Variants in TBCD observed in about 807,000 individuals in gnomAD.
The protein encoded by TBCD is tubulin folding cofactor D.
Under a neutral mutation model 169.3 loss-of-function variants are expected in TBCD, and 105 were observed. That is an observed-to-expected ratio of 0.62 (90% CI 0.53 to 0.73). TBCD has a LOEUF of 0.73. Ranked by LOEUF, TBCD falls within the 30% of genes least tolerant of loss-of-function variation. The probability of loss-of-function intolerance (pLI) is 0.00; values close to 1 mark genes in which losing one functional copy is unlikely to be tolerated. For missense variants in TBCD, 1,444 were observed against 1,600.1 expected (o/e 0.90, Z 1.66); for synonymous variants, 700 against 643.9 (o/e 1.09, Z -1.32).
chr17:82,932,872 G>A (rs1016063326), intron 34 of TBCD, 137 bp downstream of exon 34: 2 of 741,462 alleles, frequency 2.7e-6, no homozygotes, highest in South Asian at 1.7e-5. Flanking sequence ...TATGGTGACT[G>A]TAAATACCGT....
chr17:82,813,423 T>TTC, intron 12 of TBCD, among the ~76,000 whole-genome samples: 1 of 152,230 alleles, frequency 6.6e-6, no homozygotes, highest in South Asian at 2.1e-4. Context: ...GCTGCTTGGC[T>TTC]TCTCCCTGTG....
intron 7 of TBCD, among the ~76,000 whole-genome samples, chr17:82,783,009 C>T (rs2049055516): frequency 6.6e-6 from 1 of 152,088 alleles, no homozygotes; most frequent in Admixed American, 6.5e-5. Context: ...GCGTCGTCTT[C>T]CTGTCTGTGG....
intron 9 of TBCD, 142 bp downstream of exon 9, chr17:82,801,138 G>C (rs2050486012): frequency 1.3e-6 from 1 of 788,218 alleles, no homozygotes; most frequent in Non-Finnish European, 1.9e-6. Flanking sequence ...TGCGGGGTGG[G>C]GGAGGCAGGC....
At chr17:82,875,536 C>A (rs928090764) in intron 14 of TBCD, among the ~76,000 whole-genome samples, 1 of 152,244 alleles carries the variant, frequency 6.6e-6, no homozygotes, top group African/African-American at 2.4e-5. Context: ...AGCCACGGGG[C>A]CCTCCCCTGC....
Position 82,903,313 on chromosome 17 carries a change from C to A in TBCD, c.1731-92C>A. ...TCTGCTAAGTGGCCGGTTGAGGACT[C>A]GTGTGTTGTCTCCCTCACTTTCTTT... is the stretch of plus-strand genomic sequence containing the variant. On this transcript the variant is annotated intron_variant, in intron 18 of 38. Transcript: ENST00000355528. This position sits in a 1 kb window ranked among gnomAD's most constrained non-coding sequence, Gnocchi z 4.8. The A allele has an allele frequency of 8.1e-7, 1 of 1,240,214 alleles. No individual in the cohort carries two copies. The highest frequency in any genetic ancestry group is 1.3e-5 in the South Asian group (1 of 74,256). The allele number at this position is 1,240,214 out of a possible 1,614,324, so 76.8% of individuals were successfully genotyped here. A position where few individuals can be genotyped will look rare whatever the true frequency, so the allele number is the denominator to read the frequency against.
intron 13 of TBCD, chr17:82,860,486 C>T (rs2056668691): frequency 1.0e-6 from 1 of 968,022 alleles, no homozygotes; most frequent in African/African-American, 1.8e-5. Flanking sequence ...CTCAGGAGAT[C>T]CTGAGGCTGA....
chr17:82,788,798 G>A (rs914268431), intron 7 of TBCD, among the ~76,000 whole-genome samples: 3 of 152,154 alleles, frequency 2.0e-5, no homozygotes, highest in Admixed American at 6.5e-5. Flanking sequence ...TGCTGACTCC[G>A]TCTCTCCTGT....
rs768432582 is a variant in TBCD at position 82,884,212 on chromosome 17, C to G, written c.1533+10C>G. On this transcript the variant is annotated intron_variant, in intron 15 of 38. Coordinates refer to ENST00000355528, the MANE Select transcript of TBCD (RefSeq NM_005993.5). The surrounding 1 kb of genome is among the most constrained non-coding windows in gnomAD (Gnocchi z 4.2). ...CAGAAGAGCAGCCTCTGTAAGTTTT[C>G]TCATTTTGATATTTCCTTTCCTGAA... is the stretch of plus-strand genomic sequence containing the variant. 1 of 1,599,798 alleles carries G rather than the reference C, an allele frequency of 6.3e-7. No individual in the cohort carries two copies. The highest frequency in any genetic ancestry group is 8.5e-7 in the Non-Finnish European group (1 of 1,172,312).
Position 82,758,395 on chromosome 17 carries a change from A to AAT in TBCD, c.235+2181_235+2182insTA, listed in dbSNP as rs1555672599. ...ACGAAAACGTCTCGGAAAAAAAAAAAAAAAAAAATAAATAAATAAATAAAT... is the reference window on the plus strand; with the variant it reads ...ACGAAAACGTCTCGGAAAAAAAAAAAATAAAAAAAATAAATAAATAAATAAAT... On this transcript the variant is annotated intron_variant, in intron 2 of 38. Transcript: ENST00000355528. Among the ~76,000 whole-genome samples the AAT allele has an allele frequency of 1.0e-4, 13 of 129,662 alleles. 1 individual carries two copies. The highest frequency in any genetic ancestry group is 3.3e-4 in the African/African-American group (10 of 30,398). 85.1% of individuals were successfully genotyped at this position (129,662 alleles called of 152,430 possible). A position where few individuals can be genotyped will look rare whatever the true frequency, so the allele number is the denominator to read the frequency against.
intron 13 of TBCD, among the ~76,000 whole-genome samples, chr17:82,827,930 C>T (rs1474153730): frequency 2.0e-5 from 3 of 147,678 alleles, no homozygotes; most frequent in African/African-American, 2.5e-5. Context: ...GATATGAGCA[C>T]GTGGACACCC....
At chr17:82,768,157 A>C (rs1051317423) in intron 4 of TBCD, among the ~76,000 whole-genome samples, 6 of 152,044 alleles carry the variant, frequency 3.9e-5, no homozygotes, top group African/African-American at 1.4e-4. Context: ...ATACTGATGT[A>C]TTATGATTTT....
intron 9 of TBCD, among the ~76,000 whole-genome samples, chr17:82,805,249 G>T (rs1191267887): frequency 6.6e-6 from 1 of 152,204 alleles, no homozygotes; most frequent in African/African-American, 2.4e-5. Context: ...AGCGGCTCAG[G>T]AGCTGTTCAG....
chr17:82,815,584 C>T (rs772621434), intron 13 of TBCD, among the ~76,000 whole-genome samples: 1 of 152,230 alleles, frequency 6.6e-6, no homozygotes, highest in Non-Finnish European at 1.5e-5. Flanking sequence ...CACACGCAGC[C>T]CTGTCTGTGT....
chr17:82,799,441 C>CAAAAAA lies in TBCD; in HGVS notation c.818-1406_818-1401dup, dbSNP rs61017445. On this transcript the variant is annotated intron_variant, in intron 8 of 38. Coordinates refer to ENST00000355528, the MANE Select transcript of TBCD (RefSeq NM_005993.5). ...CTGGCGACAGAGCAAGACTCTGTCT[C>CAAAAAA]AAAAAAAAAAAAAAAAAAAAAAGAA... Among the ~76,000 whole-genome samples, 471 of 72,596 alleles carry CAAAAAA rather than the reference C, an allele frequency of 6.5e-3. 51 individuals carry two copies. The highest frequency in any genetic ancestry group is 0.023 in the East Asian group (48 of 2,110). 47.6% of individuals were successfully genotyped at this position (72,596 alleles called of 152,430 possible).
intron 18 of TBCD, 133 bp downstream of exon 18, chr17:82,900,864 T>A: frequency 1.4e-6 from 1 of 696,442 alleles, no homozygotes; most frequent in Non-Finnish European, 2.5e-6. Flanking sequence ...AGAAGTAATA[T>A]GAATTCCAGT....
At position 82,945,097 on chromosome 17, in the gene TBCD, AT is replaced by A. The variant is rs2063595966; in HGVS notation, c.*2639del. 6.6e-6 allele frequency: 1 copy of A among 152,232 alleles called. No individual in the cohort carries two copies. 9.4% of individuals were successfully genotyped at this position (152,232 alleles called of 1,614,324 possible). A position where few individuals can be genotyped will look rare whatever the true frequency, so the allele number is the denominator to read the frequency against. ...AGAATGTAGGCTATAATATGAGTACATTTTTGAAAAGGGCTAGAAATGATCA... is the reference window on the plus strand; with the variant it reads ...AGAATGTAGGCTATAATATGAGTACATTTTGAAAAGGGCTAGAAATGATCA... On this transcript the variant is annotated 3_prime_UTR_variant, in exon 39 of 39. Transcript: ENST00000355528.
In TBCD at chr17:82,752,277, A is replaced by G. The variant is rs1388569821; in HGVS notation, c.84A>G (p.Glu28=). ...CACTGGCCTTTGGCGCGGCGCTGGA[A>G]GCGTTCGGCGAGAGCGCGGAGACCC... The part of the protein sequence containing the change: ...DETLAFGAAL[E]AFGESAETRA... The change falls in exon 1 of 39, where the codon GAA becomes GAG. Residue 28 remains glutamate, a synonymous_variant. Transcript: ENST00000355528. 12 of 1,516,564 alleles carry G rather than the reference A, an allele frequency of 7.9e-6. No individual in the cohort carries two copies. The South Asian group carries it at 8.5e-5, about 11-fold the overall frequency. 93.9% of individuals were successfully genotyped at this position (1,516,564 alleles called of 1,614,324 possible). A position where few individuals can be genotyped will look rare whatever the true frequency, so the allele number is the denominator to read the frequency against.
chr17:82,847,221 T>C (rs112585887), intron 13 of TBCD, among the ~76,000 whole-genome samples: 4,789 of 151,350 alleles, frequency 0.032, 271 homozygotes, highest in African/African-American at 0.11. Flanking sequence ...GGCGTGGTGG[T>C]GGGTGCCTGT....
At chr17:82,816,491 T>TGTG (rs757858677) in intron 13 of TBCD, among the ~76,000 whole-genome samples, 9 of 152,190 alleles carry the variant, frequency 5.9e-5, no homozygotes, top group Non-Finnish European at 1.0e-4. Flanking sequence ...TTCCTGCCTG[T>TGTG]AGTGTGTGAG....
Sources: allele counts gnomAD v4.1 joint callset (sites outside exome capture counted in the v4.1 genomes callset), GRCh38; gene constraint gnomAD v4.1.1; non-coding constraint Gnocchi (gnomAD v3.1); transcripts MANE v1.5; gene names NCBI Gene and HGNC (gene_info 2026-07-23, HGNC 2026-07-21).